The following ALDH1A3 variants were observed in gnomAD, a reference collection of about 807,000 sequenced individuals.
ALDH1A3 encodes aldehyde dehydrogenase 1 family member A3.
ALDH1A3 carries 28 observed loss-of-function variants against 57.5 expected under a neutral mutation model. The observed-to-expected ratio is 0.49, with a 90% CI of 0.36 to 0.67. The LOEUF (loss-of-function observed/expected upper bound fraction) is 0.67, where lower values mean the gene tolerates loss of function less well. ALDH1A3 is among the 30% of genes least tolerant of loss of function. The probability of loss-of-function intolerance (pLI) is 0.00; values close to 1 mark genes in which losing one functional copy is unlikely to be tolerated. For synonymous variants in ALDH1A3, 281 were observed against 264.8 expected (o/e 1.06, Z -0.59); for missense variants, 507 against 669.4 (o/e 0.76, Z 2.68).
In ALDH1A3 at chr15:100,887,495, GT is replaced by G; in HGVS notation, c.205-76del. 7.0e-7 allele frequency: 1 copy of G among 1,436,674 alleles called. No individual in the cohort carries two copies. The highest frequency in any genetic ancestry group is 1.4e-5 in the African/African-American group (1 of 69,076). 89.0% of individuals were successfully genotyped at this position (1,436,674 alleles called of 1,614,324 possible). A position where few individuals can be genotyped will look rare whatever the true frequency, so the allele number is the denominator to read the frequency against. The stretch of plus-strand genomic sequence containing the variant: ...CTCAAAAGATGACACCCAAACTTCA[GT>G]CACGTCAAAAGATGACACCCAAACT... On this transcript the variant is annotated intron_variant, in intron 2 of 12. Transcript: ENST00000329841. The surrounding 1 kb of genome is among the most constrained non-coding windows in gnomAD (Gnocchi z 4.6).
chr15:100,894,225 ACTGCACGTTCTTTCTC>A lies in ALDH1A3; in HGVS notation c.666+148_666+163del. 1 of 1,065,588 alleles carries A rather than the reference ACTGCACGTTCTTTCTC, an allele frequency of 9.4e-7. No individual in the cohort carries two copies. Among genetic ancestry groups the A allele is most frequent in the South Asian group, 1.6e-5 (1 of 64,458 alleles). The allele number at this position is 1,065,588 out of a possible 1,614,324, so 66.0% of individuals were successfully genotyped here. A position where few individuals can be genotyped will look rare whatever the true frequency, so the allele number is the denominator to read the frequency against. ...ATGACTTCCAGTGTTTTGTTTGGCG[ACTGCACGTTCTTTCTC>A]CTGCTTGTGGCCACTGAGCTGGAGA... On this transcript the variant is annotated intron_variant, in intron 6 of 12. Coordinates refer to ENST00000329841, the MANE Select transcript of ALDH1A3 (RefSeq NM_000693.4). This position sits in a 1 kb window ranked among gnomAD's most constrained non-coding sequence, Gnocchi z 4.5.
intron 7 of ALDH1A3, among the ~76,000 whole-genome samples, chr15:100,897,673 G>C (rs1199649225): frequency 6.6e-6 from 1 of 152,252 alleles, no homozygotes; most frequent in African/African-American, 2.4e-5. Flanking sequence ...TGGGCTGTTG[G>C]AATTTCAGCT....
In ALDH1A3 at chr15:100,906,915, T is replaced by G. The variant is rs186613060; in HGVS notation, c.1234-206T>G. 8.5e-5 allele frequency among the ~76,000 whole-genome samples: 13 copies of G among 152,362 alleles called. No individual in the cohort carries two copies. In the East Asian group the frequency reaches 2.5e-3, roughly 29 times the overall value. On this transcript the variant is annotated intron_variant, in intron 10 of 12. Coordinates refer to ENST00000329841, the MANE Select transcript of ALDH1A3 (RefSeq NM_000693.4). The surrounding 1 kb of genome is among the most constrained non-coding windows in gnomAD (Gnocchi z 4.8). The stretch of plus-strand genomic sequence containing the variant: ...ATTTTTTGTTATTATTTTTTATTTT[T>G]GTTTCATGTTAATCCTTCCCTTCAG...
chr15:100,908,777 G>A (rs2041852153), intron 12 of ALDH1A3, among the ~76,000 whole-genome samples: 1 of 152,162 alleles, frequency 6.6e-6, no homozygotes, highest in Non-Finnish European at 1.5e-5. Flanking sequence ...CCCTGGACGG[G>A]GACACAGGCA....
At chr15:100,907,838 TTC>T (rs2141571077) in intron 11 of ALDH1A3, among the ~76,000 whole-genome samples, 1 of 99,868 alleles carries the variant, frequency 1.0e-5, no homozygotes, top group Admixed American at 1.3e-4. Context: ...TTTTCTTTCT[TTC>T]TTTCTTTTTT....
chr15:100,912,387 A>G (rs559755395), intron 12 of ALDH1A3, among the ~76,000 whole-genome samples: 1 of 152,142 alleles, frequency 6.6e-6, no homozygotes, highest in African/African-American at 2.4e-5. Flanking sequence ...CCATTTGGGT[A>G]TTTGTGTTTT....
chr15:100,914,622 G>A, intron 12 of ALDH1A3, 79 bp from the exon 13 acceptor site: 1 of 1,384,588 alleles, frequency 7.2e-7, no homozygotes, highest in Non-Finnish European at 1.0e-6. Context: ...CTGATGGAAT[G>A]ATGAAGCCTC....
intron 7 of ALDH1A3, 153 bp from the exon 8 acceptor site, chr15:100,897,930 G>A: frequency 1.6e-6 from 1 of 630,198 alleles, no homozygotes; most frequent in Non-Finnish European, 2.9e-6. Context: ...GGCCAGGACA[G>A]TGAAGGGACG....
At chr15:100,912,503 T>C (rs2041890856) in intron 12 of ALDH1A3, among the ~76,000 whole-genome samples, 1 of 152,254 alleles carries the variant, frequency 6.6e-6, no homozygotes, top group African/African-American at 2.4e-5. Flanking sequence ...GAGTTTTTAA[T>C]GGAGTCTCTG....
At chr15:100,882,748 CAA>C (rs959961226) in intron 1 of ALDH1A3, among the ~76,000 whole-genome samples, 2 of 152,224 alleles carry the variant, frequency 1.3e-5, no homozygotes, top group Admixed American at 6.5e-5. Flanking sequence ...AAATCAAAGA[CAA>C]CAATTCCTTC....
At position 100,879,919 on chromosome 15, in the gene ALDH1A3, T is replaced by A; in HGVS notation, c.12T>A (p.Ala4=). The stretch of plus-strand genomic sequence containing the variant: ...AGCGCGGAGGAGCCATGGCCACCGC[T>A]AACGGGGCCGTGGAAAACGGGCAGC... MAT[A]NGAVENGQPD... Residue 4 remains alanine, a synonymous_variant, in exon 1 of 13, where the codon GCT becomes GCA. Coordinates refer to ENST00000329841, the MANE Select transcript of ALDH1A3 (RefSeq NM_000693.4). The A allele has an allele frequency of 2.1e-6, 3 of 1,460,966 alleles. No individual in the cohort carries two copies. Among genetic ancestry groups the A allele is most frequent in the Non-Finnish European group, 2.7e-6 (3 of 1,105,054 alleles). 90.5% of individuals were successfully genotyped at this position (1,460,966 alleles called of 1,614,324 possible).
At chr15:100,896,299 A>G (rs557926520) in intron 7 of ALDH1A3, among the ~76,000 whole-genome samples, 3 of 152,362 alleles carry the variant, frequency 2.0e-5, no homozygotes, top group East Asian at 1.9e-4. Flanking sequence ...TTCATCTGTC[A>G]AACACCATAA....
At position 100,916,009 on chromosome 15, in the gene ALDH1A3, C is replaced by T. The variant is rs748338890; in HGVS notation, c.*1236C>T. On this transcript the variant is annotated 3_prime_UTR_variant, in exon 13 of 13. Coordinates refer to ENST00000329841, the MANE Select transcript of ALDH1A3 (RefSeq NM_000693.4). ...CAAAAACAAAAACAAATGTGTTATC[C>T]GACGGATACTTTTATGGTTACTAAC... 5 of 152,110 alleles carry T rather than the reference C, an allele frequency of 3.3e-5. No homozygotes were observed. The highest frequency in any genetic ancestry group is 1.2e-4 in the African/African-American group (5 of 41,404). The allele number at this position is 152,110 out of a possible 1,614,324, so 9.4% of individuals were successfully genotyped here. A position where few individuals can be genotyped will look rare whatever the true frequency, so the allele number is the denominator to read the frequency against.
At chr15:100,884,332 C>T (rs1160125979) in intron 1 of ALDH1A3, among the ~76,000 whole-genome samples, 1 of 152,184 alleles carries the variant, frequency 6.6e-6, no homozygotes, top group Non-Finnish European at 1.5e-5. Context: ...ACATATGTTT[C>T]AGTGCATGGA....
chr15:100,912,994 T>TA (rs2041895396), intron 12 of ALDH1A3, among the ~76,000 whole-genome samples: 1 of 96,606 alleles, frequency 1.0e-5, no homozygotes, highest in Non-Finnish European at 2.2e-5. Context: ...CCGTCTCTAC[T>TA]AAAAATACAA....
At chr15:100,880,386 C>T (rs1226268312) in intron 1 of ALDH1A3, 3 of 372,180 alleles carry the variant, frequency 8.1e-6, no homozygotes, top group Non-Finnish European at 4.8e-6. Context: ...CCCCAAAAAC[C>T]CCTGCGATGA....
At position 100,897,475 on chromosome 15, in the gene ALDH1A3, G is replaced by A. The variant is rs945693387; in HGVS notation, c.781-608G>A. On this transcript the variant is annotated intron_variant, in intron 7 of 12. Coordinates refer to ENST00000329841, the MANE Select transcript of ALDH1A3 (RefSeq NM_000693.4). ...CCCGTGGGGGCCTTGAGCATGACTG[G>A]TGAGTGGCTTTTCTGCTCATAGCGC... Among the ~76,000 whole-genome samples the A allele has an allele frequency of 2.8e-4, 42 of 152,258 alleles. 2 individuals are homozygous for A. Among genetic ancestry groups the A allele is most frequent in the Non-Finnish European group, 1.5e-5 (1 of 68,040 alleles).
At chr15:100,911,205 A>G (rs1156791568) in intron 12 of ALDH1A3, among the ~76,000 whole-genome samples, 3 of 152,246 alleles carry the variant, frequency 2.0e-5, no homozygotes, top group Non-Finnish European at 4.4e-5. Flanking sequence ...TCATGTTGCA[A>G]GAAGTTCCCC....
In ALDH1A3 at chr15:100,896,103, G is replaced by C. The variant is rs77522986; in HGVS notation, c.780+57G>C. ...GAAAGGGGCGTGTTATTTGACACCC[G>C]TGAGCTTTTCCTTTGACAGGCTTTA... On this transcript the variant is annotated intron_variant, in intron 7 of 12. Coordinates refer to ENST00000329841, the MANE Select transcript of ALDH1A3 (RefSeq NM_000693.4). 5,113 of 1,335,388 alleles carry C rather than the reference G, an allele frequency of 3.8e-3. 74 individuals carry two copies. In the East Asian group the frequency reaches 0.042, roughly 11 times the overall value. The allele number at this position is 1,335,388 out of a possible 1,614,324, so 82.7% of individuals were successfully genotyped here.
Sources: gnomAD v4.1 joint callset for allele counts (sites outside exome capture counted in the v4.1 genomes callset) on GRCh38, gnomAD v4.1.1 for gene constraint, Gnocchi (gnomAD v3.1) non-coding constraint, MANE v1.5 for transcripts, NCBI Gene and HGNC (gene_info 2026-07-23, HGNC 2026-07-21) for gene names.